Variants in DNAH11 observed in about 807,000 individuals in gnomAD.
DNAH11 encodes dynein axonemal heavy chain 11.
DNAH11 carries 442 observed loss-of-function variants against 526.0 expected under a neutral mutation model. The observed-to-expected ratio is 0.84, with a 90% confidence interval of 0.78 to 0.91. The LOEUF is 0.91. DNAH11 is among the 40% of genes least tolerant of loss of function. The pLI is 0.00. For missense variants in DNAH11, 6,989 were observed against 5,448.7 expected (o/e 1.28, Z -8.90); for synonymous variants, 2,461 against 1,935.9 (o/e 1.27, Z -7.12).
At chr7:21,872,008 C>T (rs1239222647) in intron 73 of DNAH11, among the ~76,000 whole-genome samples, 1 of 151,104 alleles carries the variant, frequency 6.6e-6, no homozygotes, top group Non-Finnish European at 1.5e-5. Flanking sequence ...CCTGTAGTCC[C>T]AGCTACTCGG....
chr7:21,863,690 T>C (rs1783162362), intron 69 of DNAH11, among the ~76,000 whole-genome samples: 1 of 152,210 alleles, frequency 6.6e-6, no homozygotes, highest in South Asian at 2.1e-4. Context: ...TATTTAAAAC[T>C]TCCCCTTGGA....
intron 2 of DNAH11, among the ~76,000 whole-genome samples, chr7:21,547,970 C>T (rs1011033552): frequency 6.6e-6 from 1 of 152,164 alleles, no homozygotes; most frequent in Non-Finnish European, 1.5e-5. Context: ...TATTTTTGTG[C>T]TAGTCCCCTT....
chr7:21,802,366 G>A (rs955737852), intron 62 of DNAH11, among the ~76,000 whole-genome samples: 10 of 152,244 alleles, frequency 6.6e-5, no homozygotes, highest in Admixed American at 3.9e-4. Context: ...GGGAAATGCT[G>A]GTTGGAATGT....
At position 21,749,750 on chromosome 7, in the gene DNAH11, C is replaced by T. The variant is rs797045085; in HGVS notation, c.8746C>T (p.Gln2916Ter). 3.1e-6 allele frequency: 5 copies of T among 1,613,842 alleles called. No homozygotes were observed. Among genetic ancestry groups the T allele is most frequent in the Non-Finnish European group, 4.2e-6 (5 of 1,179,872 alleles). Residue 2916 changes from glutamine to a stop codon, truncating the protein, a stop_gained, in exon 53 of 82, where the codon CAG becomes TAG. Transcript: ENST00000409508. LOFTEE classifies it high-confidence loss of function. ...CACTGTGTTCCTGCTGACAGATGCC[C>T]AGGTTCTAGATGAGAGCTTCCTCGT... ...MPTVFLLTDA[Q>*]VLDESFLVLI...
rs564355416 is a variant in DNAH11 at position 21,684,048 on chromosome 7, T to G, written c.5621+104T>G. On this transcript the variant is annotated intron_variant, in intron 32 of 81. Transcript: ENST00000409508. ...TGAGAGGAAACGATGAACAATGAAC[T>G]ATGTGAAAGTGGTGAAGAGAATTGA... is the stretch of plus-strand genomic sequence containing the variant. The G allele has an allele frequency of 5.5e-5, 66 of 1,200,922 alleles. No individual in the cohort carries two copies. In the East Asian group the frequency reaches 1.6e-3, roughly 28 times the overall value. 74.4% of individuals were successfully genotyped at this position (1,200,922 alleles called of 1,614,324 possible). A position where few individuals can be genotyped will look rare whatever the true frequency, so the allele number is the denominator to read the frequency against.
At chr7:21,846,078 C>T (rs963930319) in intron 66 of DNAH11, among the ~76,000 whole-genome samples, 14 of 152,172 alleles carry the variant, frequency 9.2e-5, no homozygotes, top group Non-Finnish European at 2.1e-4. Flanking sequence ...GTATATTAAT[C>T]TGTATCCTGC....
chr7:21,796,705 C>A (rs1036465850), intron 61 of DNAH11, among the ~76,000 whole-genome samples: 1 of 152,198 alleles, frequency 6.6e-6, no homozygotes, highest in Non-Finnish European at 1.5e-5. Context: ...CGTGTTACAT[C>A]TTAGCCCAGT....
chr7:21,547,846 G>A (rs762679899), intron 2 of DNAH11, among the ~76,000 whole-genome samples: 11 of 152,100 alleles, frequency 7.2e-5, no homozygotes, highest in Non-Finnish European at 1.3e-4. Flanking sequence ...TTTGGTTCTT[G>A]AATCACTCTA....
At chr7:21,648,364 A>T (rs903669492) in intron 28 of DNAH11, among the ~76,000 whole-genome samples, 1 of 152,222 alleles carries the variant, frequency 6.6e-6, no homozygotes, top group African/African-American at 2.4e-5. Flanking sequence ...TTGGGTTGCC[A>T]TATGACTTGT....
At chr7:21,579,594 C>G (rs1297102630) in intron 8 of DNAH11, among the ~76,000 whole-genome samples, 5 of 152,094 alleles carry the variant, frequency 3.3e-5, no homozygotes, top group African/African-American at 1.2e-4. Context: ...GTGGCTGGAT[C>G]TGAGAGTGTG....
chr7:21,582,697 G>A (rs188727248), intron 9 of DNAH11, among the ~76,000 whole-genome samples: 1 of 152,152 alleles, frequency 6.6e-6, no homozygotes, highest in East Asian at 1.9e-4. Context: ...TGTAAAACTT[G>A]CTTGACAAAG....
In DNAH11 at chr7:21,829,239, C is replaced by T. The variant is rs116622670; in HGVS notation, c.10691+10900C>T. Reference sequence around the variant, plus strand: ...TCCTAAATGTGTTTCCCCCCACCCCCCGCCAATTAGTAGGCTATATTATTT... The same window carrying T: ...TCCTAAATGTGTTTCCCCCCACCCCTCGCCAATTAGTAGGCTATATTATTT... On this transcript the variant is annotated intron_variant, in intron 65 of 81. Coordinates refer to ENST00000409508, the MANE Select transcript of DNAH11 (RefSeq NM_001277115.2). Among the ~76,000 whole-genome samples, 1,486 of 151,916 alleles carry T rather than the reference C, an allele frequency of 9.8e-3. 30 individuals carry two copies. Among genetic ancestry groups the T allele is most frequent in the African/African-American group, 0.033 (1,384 of 41,406 alleles).
intron 30 of DNAH11, among the ~76,000 whole-genome samples, chr7:21,662,590 T>C (rs987520729): frequency 6.6e-6 from 1 of 152,176 alleles, no homozygotes; most frequent in Non-Finnish European, 1.5e-5. Flanking sequence ...ACATTTGCGT[T>C]ACCTCACTTT....
intron 45 of DNAH11, among the ~76,000 whole-genome samples, chr7:21,730,467 T>C (rs2906676): frequency 0.46 from 69,782 of 152,134 alleles, 18,524 homozygotes; most frequent in Non-Finnish European, 0.6. Flanking sequence ...AAAATACTTG[T>C]GGTCACAAAC....
At chr7:21,584,852 T>G (rs1784431101) in intron 9 of DNAH11, among the ~76,000 whole-genome samples, 1 of 152,112 alleles carries the variant, frequency 6.6e-6, no homozygotes, top group Non-Finnish European at 1.5e-5. Flanking sequence ...TTCTTGCCTT[T>G]ATAACAGAAT....
chr7:21,827,937 A>G (rs1790379756), intron 65 of DNAH11, among the ~76,000 whole-genome samples: 1 of 149,116 alleles, frequency 6.7e-6, no homozygotes, highest in Non-Finnish European at 1.5e-5. Context: ...AAGCTTACGG[A>G]TTTTTTTTTT....
chr7:21,818,208 A>T lies in DNAH11; in HGVS notation c.10569-9A>T, dbSNP rs2128000759. 12 of 1,606,644 alleles carry T rather than the reference A, an allele frequency of 7.5e-6. No individual in the cohort carries two copies. The highest frequency in any genetic ancestry group is 1.0e-5 in the Non-Finnish European group (12 of 1,177,666). On this transcript the variant is annotated splice_polypyrimidine_tract_variant and intron_variant, in intron 64 of 81. Transcript: ENST00000409508. Reference sequence around the variant, plus strand: ...CATTTTATTATCTCAAATCCCACTGAATTTTAAGGTTTTTGAATGCCATTG... The same window carrying T: ...CATTTTATTATCTCAAATCCCACTGTATTTTAAGGTTTTTGAATGCCATTG...
chr7:21,876,806 A>G (rs1783731686), intron 74 of DNAH11, among the ~76,000 whole-genome samples: 1 of 152,252 alleles, frequency 6.6e-6, no homozygotes, highest in African/African-American at 2.4e-5. Context: ...AGTGCTTCCT[A>G]CAAGTTAACA....
In DNAH11 at chr7:21,900,164, G is replaced by A. The variant is rs1210756632; in HGVS notation, c.13303+44G>A. On this transcript the variant is annotated intron_variant, in intron 81 of 81. Coordinates refer to ENST00000409508, the MANE Select transcript of DNAH11 (RefSeq NM_001277115.2). Reference sequence around the variant, plus strand: ...TAAGTGGGGAACCTTTTCTTACTCAGGTTCAGATCAGTGTTTGTCCTCTGC... The same window carrying A: ...TAAGTGGGGAACCTTTTCTTACTCAAGTTCAGATCAGTGTTTGTCCTCTGC... 19 of 1,570,216 alleles carry A rather than the reference G, an allele frequency of 1.2e-5. 1 individual carries two copies. The South Asian group carries it at 2.1e-4, about 18-fold the overall frequency.
Sources: gnomAD v4.1 joint callset for allele counts (sites outside exome capture counted in the v4.1 genomes callset) on GRCh38, gnomAD v4.1.1 for gene constraint, MANE v1.5 for transcripts, NCBI Gene and HGNC (gene_info 2026-07-23, HGNC 2026-07-21) for gene names.